The following C12orf42 variants were observed in gnomAD, a reference collection of about 807,000 sequenced individuals.
The protein encoded by C12orf42 is uncharacterized protein C12orf42.
Under a neutral mutation model 21.6 loss-of-function variants are expected in C12orf42, and 25 were observed. The observed-to-expected ratio is 1.16, with a 90% CI of 0.84 to 1.62. The LOEUF is 1.62. C12orf42 is among the 40% of genes most tolerant of loss of function. C12orf42 has a pLI of 0.00. For synonymous variants in C12orf42, 174 were observed against 175.0 expected (o/e 0.99, Z 0.05); for missense variants, 483 against 459.3 (o/e 1.05, Z -0.47).
chr12:103,384,421 T>C (rs1308731034), intron 3 of C12orf42, among the ~76,000 whole-genome samples: 1 of 152,212 alleles, frequency 6.6e-6, no homozygotes, highest in Non-Finnish European at 1.5e-5. Flanking sequence ...GTGGGTGAAC[T>C]AATCTACCAT....
chr12:103,145,482 G>C, the C12orf42 span, among the ~76,000 whole-genome samples: 2 of 152,142 alleles, frequency 1.3e-5, no homozygotes, highest in African/African-American at 2.4e-5. Flanking sequence ...GATAACAAGT[G>C]GTGGTGAGGG....
the C12orf42 span, among the ~76,000 whole-genome samples, chr12:103,232,518 C>T: frequency 6.6e-6 from 1 of 152,024 alleles, no homozygotes; most frequent in African/African-American, 2.4e-5. Flanking sequence ...ACCATCCTGG[C>T]TAACACACGG....
chr12:103,049,642 G>C, the C12orf42 span, among the ~76,000 whole-genome samples: 1 of 152,096 alleles, frequency 6.6e-6, no homozygotes, highest in East Asian at 1.9e-4. Context: ...AATGGCCTTT[G>C]ATAAACTATA....
At chr12:103,108,999 A>G in the C12orf42 span, among the ~76,000 whole-genome samples, 26 of 152,200 alleles carry the variant, frequency 1.7e-4, no homozygotes, top group Non-Finnish European at 3.2e-4. Context: ...GGAAGACTTA[A>G]TATCATAGGA....
the C12orf42 span, among the ~76,000 whole-genome samples, chr12:103,167,309 G>A: frequency 6.6e-6 from 1 of 152,308 alleles, no homozygotes; most frequent in Middle Eastern, 3.4e-3. Flanking sequence ...AGAAACTCAT[G>A]CAGATATTTG....
chr12:103,280,412 G>C (rs190251547), intron 4 of C12orf42, among the ~76,000 whole-genome samples: 101 of 152,326 alleles, frequency 6.6e-4, no homozygotes, highest in African/African-American at 2.3e-3. Flanking sequence ...GAGGTCAGGA[G>C]TTCAAGACCA....
At chr12:103,235,441 G>A (rs1022814823), downstream of C12orf42, among the ~76,000 whole-genome samples, 1 of 152,086 alleles carries the variant, frequency 6.6e-6, no homozygotes, top group African/African-American at 2.4e-5. Context: ...GTTTTCAAAT[G>A]TTGAACCAGC....
chr12:103,405,424 T>C (rs1438135940), intron 2 of C12orf42, among the ~76,000 whole-genome samples: 2 of 152,086 alleles, frequency 1.3e-5, no homozygotes, highest in Non-Finnish European at 2.9e-5. Flanking sequence ...CATGTTCCAA[T>C]GGGATGATAA....
the C12orf42 span, among the ~76,000 whole-genome samples, chr12:103,048,013 C>A: frequency 6.7e-6 from 1 of 148,450 alleles, no homozygotes; most frequent in Non-Finnish European, 1.5e-5. Flanking sequence ...GCTATAAAGT[C>A]ACATTACAAA....
the C12orf42 span, among the ~76,000 whole-genome samples, chr12:103,512,861 G>C: frequency 6.6e-6 from 1 of 152,058 alleles, no homozygotes; most frequent in Non-Finnish European, 1.5e-5. Flanking sequence ...AATTAGCCAG[G>C]CGTGGTGGTG....
intron 2 of C12orf42, among the ~76,000 whole-genome samples, chr12:103,423,798 A>T (rs1377626357): frequency 1.3e-5 from 2 of 152,232 alleles, no homozygotes; most frequent in African/African-American, 2.4e-5. Flanking sequence ...CAAAAAAAGA[A>T]TTATGGCAAT....
chr12:103,141,987 T>C, the C12orf42 span, among the ~76,000 whole-genome samples: 1 of 152,144 alleles, frequency 6.6e-6, no homozygotes, highest in African/African-American at 2.4e-5. Context: ...AAAATTAAAA[T>C]AGAATGAACA....
the C12orf42 span, among the ~76,000 whole-genome samples, chr12:103,541,269 T>C: frequency 6.6e-6 from 1 of 152,232 alleles, no homozygotes; most frequent in South Asian, 2.1e-4. Flanking sequence ...TTTCTATTAT[T>C]TTAAAGATTT....
chr12:103,210,210 T>C, the C12orf42 span, among the ~76,000 whole-genome samples: 1 of 152,244 alleles, frequency 6.6e-6, no homozygotes, highest in Non-Finnish European at 1.5e-5. Context: ...TTTGGTTAAA[T>C]AGATATGAGA....
chr12:103,427,758 C>T (rs893405633), intron 2 of C12orf42, among the ~76,000 whole-genome samples: 15 of 152,044 alleles, frequency 9.9e-5, no homozygotes, highest in East Asian at 3.8e-4. Flanking sequence ...TGCAAAAGAA[C>T]GGAAATCATA....
At chr12:103,422,516 GAGTCCCCTGCTGGGCTCTT>G (rs1419971920) in intron 2 of C12orf42, among the ~76,000 whole-genome samples, 5 of 152,256 alleles carry the variant, frequency 3.3e-5, no homozygotes, top group African/African-American at 1.2e-4. Flanking sequence ...TAGTGGTTCT[GAGTCCCCTGCTGGGCTCTT>G]ATTTCTAAGC....
At chr12:103,300,587 G>T (rs1228819625), downstream of C12orf42, among the ~76,000 whole-genome samples, 2 of 152,072 alleles carry the variant, frequency 1.3e-5, no homozygotes, top group African/African-American at 4.8e-5. Flanking sequence ...TTCTATTCTT[G>T]AAATTGACCA....
intron 5 of C12orf42, chr12:103,273,819 G>A (rs927626125): frequency 1.1e-5 from 5 of 456,342 alleles, no homozygotes; most frequent in African/African-American, 2.0e-5. Context: ...CTGAGTCAGC[G>A]TTAATATGTG....
the C12orf42 span, among the ~76,000 whole-genome samples, chr12:103,076,229 T>C: frequency 1.3e-5 from 2 of 151,532 alleles, no homozygotes; most frequent in East Asian, 3.9e-4. Context: ...ACTTAAAGTA[T>C]AATGATAATA....
Sources: gnomAD v4.1 joint callset for allele counts (sites outside exome capture counted in the v4.1 genomes callset) on GRCh38, gnomAD v4.1.1 for gene constraint, MANE v1.5 for transcripts, NCBI Gene and HGNC (gene_info 2026-07-23, HGNC 2026-07-21) for gene names.